CLIP2: variants seen among roughly 807,000 people sequenced by gnomAD.
CLIP2 encodes the protein CAP-Gly domain containing linker protein 2.
Under a neutral mutation model 111.7 loss-of-function variants are expected in CLIP2, and 41 were observed. The observed-to-expected ratio is 0.37, with a 90% CI of 0.29 to 0.48. The LOEUF (loss-of-function observed/expected upper bound fraction) is 0.48. Among genes scored for constraint, CLIP2 ranks in the 20% least tolerant of loss-of-function variants. The pLI, the probability that CLIP2 is intolerant of heterozygous loss-of-function variation, is 0.99. For missense variants in CLIP2, 1,160 were observed against 1,422.1 expected, an observed-to-expected ratio of 0.82 and a Z score of 2.96; for synonymous variants, 660 against 644.2, an observed-to-expected ratio of 1.02 and a Z score of -0.37.
chr7:74,344,891 T>C (rs1789760412), intron 3 of CLIP2, among the ~76,000 whole-genome samples: 1 of 152,064 alleles, frequency 6.6e-6, no homozygotes, highest in Non-Finnish European at 1.5e-5. Flanking sequence ...CGGGCCTCCA[T>C]GGCAGAGACA....
At chr7:74,299,191 G>T (rs1346935933) in intron 1 of CLIP2, among the ~76,000 whole-genome samples, 1 of 151,998 alleles carries the variant, frequency 6.6e-6, no homozygotes, top group Non-Finnish European at 1.5e-5. Flanking sequence ...AATTAGCCAG[G>T]TACAGTGTCT....
At chr7:74,337,916 G>T (rs1270437474) in intron 2 of CLIP2, among the ~76,000 whole-genome samples, 4 of 152,138 alleles carry the variant, frequency 2.6e-5, no homozygotes, top group African/African-American at 9.7e-5. Flanking sequence ...GCTTCTGAGG[G>T]CGTACTTTCC....
At chr7:74,373,615 C>A (rs1395550530) in intron 9 of CLIP2, among the ~76,000 whole-genome samples, 2 of 152,118 alleles carry the variant, frequency 1.3e-5, no homozygotes, top group African/African-American at 4.8e-5. Flanking sequence ...GCTTATTGCC[C>A]CAGCAGCTGA....
At chr7:74,381,035 A>G in intron 11 of CLIP2, 172 bp downstream of exon 11, 1 of 568,704 alleles carries the variant, frequency 1.8e-6, no homozygotes, top group Non-Finnish European at 3.2e-6. Context: ...TTACGGAGGG[A>G]TAGGCATTGC....
chr7:74,345,805 C>A (rs564657804), intron 3 of CLIP2, among the ~76,000 whole-genome samples: 2 of 151,942 alleles, frequency 1.3e-5, no homozygotes, highest in African/African-American at 2.4e-5. Context: ...TGAGATCCTG[C>A]CATTGCACTC....
chr7:74,317,459 C>T (rs782221366), intron 1 of CLIP2, 21 bp from the exon 2 acceptor site: 1 of 1,309,290 alleles, frequency 7.6e-7, no homozygotes, highest in Admixed American at 3.1e-5. Context: ...ATGATGTGAT[C>T]TCTCCTGTCT....
chr7:74,352,733 T>C, intron 3 of CLIP2, among the ~76,000 whole-genome samples: 1 of 145,412 alleles, frequency 6.9e-6, no homozygotes, highest in Non-Finnish European at 1.5e-5. Flanking sequence ...ATGGACCAGG[T>C]GTGGTGATTC....
chr7:74,346,298 T>A (rs913309786), intron 3 of CLIP2, among the ~76,000 whole-genome samples: 1 of 152,090 alleles, frequency 6.6e-6, no homozygotes, highest in Non-Finnish European at 1.5e-5. Flanking sequence ...TAAATTTTTT[T>A]AAAAGAGCTA....
In CLIP2 at chr7:74,338,611, G is replaced by T. The variant is rs782602752; in HGVS notation, c.285G>T (p.Val95=). 6.4e-7 allele frequency: 1 copy of T among 1,565,586 alleles called. No individual in the cohort carries two copies. Among genetic ancestry groups the T allele is most frequent in the East Asian group, 2.4e-5 (1 of 41,810 alleles). Residue 95 remains valine, a synonymous_variant, in exon 3 of 17, where the codon GTG becomes GTT. Coordinates refer to ENST00000223398, the MANE Select transcript of CLIP2 (RefSeq NM_003388.5). This position sits in a 1 kb window ranked among gnomAD's most constrained non-coding sequence, Gnocchi z 4.3. ...VWVNGVKPGV[V]QYLGETQFAP... is the part of the protein sequence containing the mutation. ...TGAACGGCGTGAAGCCAGGCGTGGT[G>T]CAGTATCTGGGAGAGACGCAGTTCG...
At chr7:74,386,638 G>C in intron 12 of CLIP2, 34 bp downstream of exon 12, 1 of 1,541,184 alleles carries the variant, frequency 6.5e-7, no homozygotes, top group Non-Finnish European at 8.8e-7. Flanking sequence ...GATGCGGGGG[G>C]CTTTCACTGG....
At chr7:74,360,305 G>A in intron 7 of CLIP2, 27 bp downstream of exon 7, 1 of 1,530,410 alleles carries the variant, frequency 6.5e-7, no homozygotes, top group South Asian at 1.2e-5. Context: ...CCTCGCCCTG[G>A]CCCTGAGTCC....
At chr7:74,365,231 G>A (rs1584363993) in intron 8 of CLIP2, among the ~76,000 whole-genome samples, 1 of 152,194 alleles carries the variant, frequency 6.6e-6, no homozygotes, top group African/African-American at 2.4e-5. Context: ...TCTGGGAAAA[G>A]CACCTGTATT....
chr7:74,321,007 T>C (rs1156616068), intron 2 of CLIP2, among the ~76,000 whole-genome samples: 1 of 152,088 alleles, frequency 6.6e-6, no homozygotes, highest in Admixed American at 6.6e-5. Context: ...TCCTCCCCGA[T>C]CTAGAGAGGC....
chr7:74,385,732 GTCT>G (rs149480361), intron 11 of CLIP2, among the ~76,000 whole-genome samples: 128 of 143,018 alleles, frequency 8.9e-4, no homozygotes, highest in African/African-American at 3.3e-3. Context: ...ATAGTGTCGG[GTCT>G]TCTTTTTTTT....
intron 12 of CLIP2, among the ~76,000 whole-genome samples, chr7:74,388,497 C>CAA (rs879977310): frequency 1.6e-5 from 2 of 128,228 alleles, no homozygotes; most frequent in Admixed American, 8.0e-5. Flanking sequence ...GACTCCGTCT[C>CAA]AAAAAAAAAA....
intron 11 of CLIP2, among the ~76,000 whole-genome samples, chr7:74,383,821 G>T (rs965076314): frequency 1.3e-5 from 2 of 151,890 alleles, no homozygotes; most frequent in Non-Finnish European, 2.9e-5. Context: ...CAAAAGAAAA[G>T]AAAAAGAAAT....
chr7:74,316,389 C>T (rs781969281), intron 1 of CLIP2, among the ~76,000 whole-genome samples: 8 of 152,008 alleles, frequency 5.3e-5, no homozygotes, highest in Non-Finnish European at 1.0e-4. Flanking sequence ...GGACTACAGG[C>T]ATGCGCCACC....
rs1236987763 is a variant in CLIP2 at position 74,356,584 on chromosome 7, G to C, written c.978G>C (p.Val326=). The change falls in exon 5 of 17, where the codon GTG becomes GTC. Residue 326 remains valine, a synonymous_variant. Coordinates refer to ENST00000223398, the MANE Select transcript of CLIP2 (RefSeq NM_003388.5). ...SSSSISSVSS[V]ASSVGGRPSR... ...CCTCCATCAGCTCCGTCAGCTCTGT[G>C]GCCTCCTCCGTGGGGGGTCGGCCCA... 1 of 1,613,986 alleles carries C rather than the reference G, an allele frequency of 6.2e-7. No individual in the cohort carries two copies. The highest frequency in any genetic ancestry group is 1.3e-5 in the African/African-American group (1 of 74,910).
chr7:74,389,218 C>T lies in CLIP2; in HGVS notation c.2679C>T (p.Gly893=), dbSNP rs200759411. 1.9e-6 allele frequency: 3 copies of T among 1,611,098 alleles called. No homozygotes were observed. Among genetic ancestry groups the T allele is most frequent in the African/African-American group, 1.3e-5 (1 of 74,952 alleles). ...TVSRKTHDAS[G]QLVLISQELL... is the part of the protein sequence containing the mutation. ...CCCGGAAGACCCATGACGCCTCGGG[C>T]CAGCTAGTCCTCATCAGCCAGGAGC... is the stretch of plus-strand genomic sequence containing the variant. Residue 893 remains glycine (G), a synonymous_variant, in exon 13 of 17, where the codon GGC becomes GGT. Coordinates refer to ENST00000223398, the MANE Select transcript of CLIP2 (RefSeq NM_003388.5).
Sources: gnomAD v4.1 joint callset for allele counts (sites outside exome capture counted in the v4.1 genomes callset) on GRCh38, gnomAD v4.1.1 for gene constraint, Gnocchi (gnomAD v3.1) non-coding constraint, MANE v1.5 for transcripts, NCBI Gene and HGNC (gene_info 2026-07-23, HGNC 2026-07-21) for gene names.